Variants in TCTN3 observed in about 807,000 individuals in gnomAD.
TCTN3 encodes tectonic-3.
TCTN3 carries 57 observed loss-of-function variants against 71.3 expected under a neutral mutation model. The ratio of observed to expected loss-of-function variants is 0.80; its 90% confidence interval spans 0.65 to 1.00. The LOEUF (loss-of-function observed/expected upper bound fraction) is 1.00. Ranked by LOEUF, TCTN3 falls within the 50% of genes least tolerant of loss-of-function variation. TCTN3 has a pLI of 0.00. For missense variants in TCTN3, 696 were observed against 719.9 expected (o/e 0.97, Z 0.38); for synonymous variants, 258 against 267.8 (o/e 0.96, Z 0.36).
intron 5 of TCTN3, 43 bp from the exon 6 acceptor site, chr10:95,687,202 GT>G (rs756314034): frequency 6.2e-7 from 1 of 1,611,798 alleles, no homozygotes; most frequent in Non-Finnish European, 8.5e-7. Context: ...GAGAAAGCCT[GT>G]TTTAAATTGA....
At chr10:95,682,910 A>G in intron 11 of TCTN3, 106 bp from the exon 12 acceptor site, 1 of 1,431,016 alleles carries the variant, frequency 7.0e-7, no homozygotes, top group South Asian at 1.4e-5. Flanking sequence ...AAAATAGACC[A>G]GAGGGTATAA....
intron 13 of TCTN3, among the ~76,000 whole-genome samples, chr10:95,666,394 G>A (rs1589600774): frequency 6.6e-6 from 1 of 152,270 alleles, no homozygotes; most frequent in East Asian, 1.9e-4. Context: ...AGGCATCGAA[G>A]ACTGGCTGAG....
In TCTN3 at chr10:95,687,663, G is replaced by A; in HGVS notation, c.556C>T (p.Leu186=). The part of the protein sequence containing the change: ...QKVNATNFQA[L]AAEFGGESFT... ...GATTCGCCTCCAAACTCTGCAGCCA[G>A]GGCCTGGAAGTTGGTTGCATTGACC... Residue 186 remains leucine, a synonymous_variant, in exon 4 of 14, where the codon CTG becomes TTG. Coordinates refer to ENST00000371217, the MANE Select transcript of TCTN3 (RefSeq NM_015631.6). The A allele has an allele frequency of 6.2e-7, 1 of 1,614,164 alleles. No individual in the cohort carries two copies. Among genetic ancestry groups the A allele is most frequent in the Non-Finnish European group, 8.5e-7 (1 of 1,179,986 alleles).
chr10:95,687,044 CT>C lies in TCTN3; in HGVS notation c.851del (p.Lys284ArgfsTer6). 1 of 1,611,928 alleles carries C rather than the reference CT, an allele frequency of 6.2e-7. No individual in the cohort carries two copies. Among genetic ancestry groups the C allele is most frequent in the Middle Eastern group, 1.7e-4 (1 of 6,056 alleles). On this transcript the variant is annotated frameshift_variant and splice_region_variant, in exon 6 of 14. Transcript: ENST00000371217. LOFTEE classifies it high-confidence loss of function. ...AASYYNFTVL[K>X]VPRSMTDPQN... ...GTGTAGGGAGAGAAAGGACACCTAC[CT>C]TTAAGACTGTGAAGTTATAGTAAGA... is the stretch of plus-strand genomic sequence containing the variant.
chr10:95,684,709 GTTA>G (rs1339537226), intron 8 of TCTN3, 85 bp from the exon 9 acceptor site: 1 of 1,473,512 alleles, frequency 6.8e-7, no homozygotes, highest in Non-Finnish European at 9.2e-7. Flanking sequence ...CTTCAAGGGT[GTTA>G]TTATAACTAA....
At chr10:95,665,306 TCTCA>T (rs1385189823) in intron 13 of TCTN3, among the ~76,000 whole-genome samples, 3 of 151,748 alleles carry the variant, frequency 2.0e-5, no homozygotes, top group Non-Finnish European at 4.4e-5. Flanking sequence ...TGAGATGGAG[TCTCA>T]CTCTGTCACC....
chr10:95,665,596 A>G (rs1186899682), intron 13 of TCTN3, among the ~76,000 whole-genome samples: 1 of 151,762 alleles, frequency 6.6e-6, no homozygotes, highest in Non-Finnish European at 1.5e-5. Context: ...AATTTTTATT[A>G]TTATATTTTT....
At position 95,675,352 on chromosome 10, in the gene TCTN3, A is replaced by G. The variant is rs1330962457; in HGVS notation, c.1590+5120T>C. Among the ~76,000 whole-genome samples the G allele has an allele frequency of 3.9e-5, 6 of 152,258 alleles. No individual in the cohort carries two copies. In the East Asian group the frequency reaches 1.2e-3, roughly 29 times the overall value. On this transcript the variant is annotated intron_variant, in intron 13 of 13. Transcript: ENST00000371217. Reference sequence around the variant, plus strand: ...AAGTGATCCATCTGTCTCGGCTTCCAAAGTGCTGGGATTACAGGTGTGAGC... The same window carrying G: ...AAGTGATCCATCTGTCTCGGCTTCCGAAGTGCTGGGATTACAGGTGTGAGC...
chr10:95,672,336 A>G (rs1165951541), intron 13 of TCTN3, among the ~76,000 whole-genome samples: 1 of 152,058 alleles, frequency 6.6e-6, no homozygotes, highest in Non-Finnish European at 1.5e-5. Context: ...TCCAGTTTTG[A>G]GTGATTATGA....
At chr10:95,689,465 C>T (rs1006252626) in intron 3 of TCTN3, among the ~76,000 whole-genome samples, 5 of 152,130 alleles carry the variant, frequency 3.3e-5, no homozygotes, top group African/African-American at 1.2e-4. Flanking sequence ...CCCTGAAAAC[C>T]ACATGGAGGA....
At chr10:95,685,955 G>GCACA (rs2097947898) in intron 7 of TCTN3, among the ~76,000 whole-genome samples, 1 of 152,254 alleles carries the variant, frequency 6.6e-6, no homozygotes, top group Admixed American at 6.5e-5. Context: ...GGAGGGGTGA[G>GCACA]ATGGCTCACG....
intron 13 of TCTN3, among the ~76,000 whole-genome samples, chr10:95,671,504 G>A (rs746816042): frequency 5.3e-5 from 8 of 152,138 alleles, no homozygotes; most frequent in African/African-American, 1.2e-4. Flanking sequence ...GTATGATCAC[G>A]ATTTTTAAAC....
At chr10:95,681,741 C>T (rs1180187181) in intron 12 of TCTN3, among the ~76,000 whole-genome samples, 1 of 152,088 alleles carries the variant, frequency 6.6e-6, no homozygotes, top group East Asian at 1.9e-4. Flanking sequence ...AGAAAGAGCA[C>T]AATTTTAACC....
At chr10:95,667,540 C>T (rs928897374) in intron 13 of TCTN3, among the ~76,000 whole-genome samples, 12 of 152,112 alleles carry the variant, frequency 7.9e-5, no homozygotes, top group Admixed American at 3.3e-4. Context: ...TGAATGATAT[C>T]CCTTCAATGC....
chr10:95,673,552 C>CT (rs930761249), intron 13 of TCTN3, among the ~76,000 whole-genome samples: 144 of 147,790 alleles, frequency 9.7e-4, no homozygotes, highest in African/African-American at 2.3e-3. Context: ...AAAAAAGAAA[C>CT]TTTTTTTTTT....
At chr10:95,676,612 T>C (rs1255015117) in intron 13 of TCTN3, among the ~76,000 whole-genome samples, 1 of 152,156 alleles carries the variant, frequency 6.6e-6, no homozygotes, top group Non-Finnish European at 1.5e-5. Context: ...TTTATGTACA[T>C]GTGTGTTGCA....
At chr10:95,686,000 G>GA (rs2097947920) in intron 7 of TCTN3, among the ~76,000 whole-genome samples, 2 of 152,234 alleles carry the variant, frequency 1.3e-5, no homozygotes, top group Admixed American at 1.3e-4. Context: ...GCCAAGTCAG[G>GA]AGAATTGCTT....
intron 13 of TCTN3, among the ~76,000 whole-genome samples, chr10:95,667,140 T>C (rs1231122131): frequency 6.6e-6 from 1 of 152,188 alleles, no homozygotes; most frequent in Non-Finnish European, 1.5e-5. Context: ...AATATCTTTC[T>C]AGTGGTGTTT....
chr10:95,680,760 T>A, intron 12 of TCTN3, 151 bp from the exon 13 acceptor site: 1 of 804,962 alleles, frequency 1.2e-6, no homozygotes, highest in Non-Finnish European at 1.8e-6. Flanking sequence ...ACAATAAGAC[T>A]ATGTTATTAT....
Sources: allele counts gnomAD v4.1 joint callset (sites outside exome capture counted in the v4.1 genomes callset), GRCh38; gene constraint gnomAD v4.1.1; transcripts MANE v1.5; gene names NCBI Gene and HGNC (gene_info 2026-07-23, HGNC 2026-07-21).